The following PKIB variants were observed in gnomAD, a reference collection of about 807,000 sequenced individuals.
PKIB encodes the protein PKI-beta.
PKIB carries 2 observed loss-of-function variants against 4.5 expected under a neutral mutation model. The observed-to-expected ratio is 0.44, with a 90% confidence interval of 0.18 to 1.39. PKIB has a LOEUF of 1.39. Ranked by LOEUF, PKIB falls within the 40% of genes most tolerant of loss-of-function variation. PKIB has a pLI of 0.27. For synonymous variants in PKIB, 38 were observed against 36.0 expected, an observed-to-expected ratio of 1.06 and a Z score of -0.20; for missense variants, 94 against 92.6, an observed-to-expected ratio of 1.02 and a Z score of -0.06.
intron 2 of PKIB, among the ~76,000 whole-genome samples, chr6:122,641,115 T>C (rs758624818): frequency 6.6e-6 from 1 of 152,240 alleles, no homozygotes; most frequent in African/African-American, 2.4e-5. Flanking sequence ...TATGCATTGT[T>C]CCAGTCTATT....
intron 1 of PKIB, among the ~76,000 whole-genome samples, chr6:122,473,264 T>C (rs1236766675): frequency 6.6e-6 from 1 of 152,228 alleles, no homozygotes; most frequent in African/African-American, 2.4e-5. Flanking sequence ...AACACTTATA[T>C]GTGAGTAACT....
chr6:122,543,983 A>AT (rs1392839827), intron 2 of PKIB, among the ~76,000 whole-genome samples: 1 of 151,860 alleles, frequency 6.6e-6, no homozygotes, highest in Non-Finnish European at 1.5e-5. Flanking sequence ...ACAACATCTC[A>AT]TTTTCTTTTT....
At chr6:122,518,627 G>C (rs1740053164) in intron 2 of PKIB, among the ~76,000 whole-genome samples, 5 of 151,986 alleles carry the variant, frequency 3.3e-5, no homozygotes, top group Admixed American at 3.3e-4. Context: ...AGAAGGTGCT[G>C]AGAGGGCCTC....
intron 2 of PKIB, among the ~76,000 whole-genome samples, chr6:122,555,559 A>T (rs150335944): frequency 0.011 from 1,737 of 152,322 alleles, 36 homozygotes; most frequent in African/African-American, 0.04. Context: ...TCAAGGAAAA[A>T]AATAGAAGAT....
chr6:122,554,351 T>C (rs112277915), intron 2 of PKIB, among the ~76,000 whole-genome samples: 4 of 152,346 alleles, frequency 2.6e-5, no homozygotes, highest in African/African-American at 9.6e-5. Flanking sequence ...TATGTGTTAA[T>C]TAGCTTTCTA....
chr6:122,559,871 T>C (rs953844831), intron 2 of PKIB, among the ~76,000 whole-genome samples: 3 of 152,206 alleles, frequency 2.0e-5, no homozygotes, highest in Non-Finnish European at 2.9e-5. Context: ...GAAGAGCTAC[T>C]AATTTGTGTA....
chr6:122,520,661 T>TCTC (rs1776908092), intron 2 of PKIB, among the ~76,000 whole-genome samples: 6 of 55,522 alleles, frequency 1.1e-4, no homozygotes, highest in Admixed American at 2.2e-4. Flanking sequence ...AAGTTTATGT[T>TCTC]CCCACCCCCC....
chr6:122,652,329 TGTGTGGAGAG>T (rs1433769002), intron 2 of PKIB, among the ~76,000 whole-genome samples: 164 of 50,296 alleles, frequency 3.3e-3, no homozygotes, highest in South Asian at 8.5e-3. Context: ...TGTGTGTGTG[TGTGTGGAGAG>T]AGAGAGATTT....
intron 2 of PKIB, among the ~76,000 whole-genome samples, chr6:122,491,674 GT>G (rs1341657269): frequency 6.6e-6 from 1 of 152,200 alleles, no homozygotes; most frequent in African/African-American, 2.4e-5. Context: ...TTGAAAATAG[GT>G]TGTGGAAGCA....
intron 2 of PKIB, among the ~76,000 whole-genome samples, chr6:122,486,580 A>G (rs966014137): frequency 1.5e-4 from 23 of 151,604 alleles, no homozygotes; most frequent in African/African-American, 4.8e-4. Context: ...TTTTGTGTGT[A>G]TGATTTTTTT....
intron 4 of PKIB, among the ~76,000 whole-genome samples, chr6:122,720,454 T>C (rs573506569): frequency 3.3e-5 from 5 of 152,162 alleles, no homozygotes; most frequent in African/African-American, 1.2e-4. Context: ...GCTGATGAAT[T>C]GGATGTGGCA....
intron 2 of PKIB, among the ~76,000 whole-genome samples, chr6:122,553,434 A>G (rs1772740394): frequency 7.1e-6 from 1 of 140,236 alleles, no homozygotes; most frequent in Non-Finnish European, 1.5e-5. Flanking sequence ...AAATACCTGA[A>G]CTCATCACCT....
At chr6:122,572,961 C>T (rs758393180) in intron 2 of PKIB, among the ~76,000 whole-genome samples, 1 of 151,984 alleles carries the variant, frequency 6.6e-6, no homozygotes, top group African/African-American at 2.4e-5. Context: ...TAACAAGCAG[C>T]AAGATTAAAT....
In PKIB at chr6:122,623,879, G is replaced by A. The variant is rs372831663; in HGVS notation, c.-160-9404G>A. ...TCTATCATATATTTCATTGGCAGGA[G>A]CAATCTGTTTATCTTTCTTGTGTAA... On this transcript the variant is annotated intron_variant, in intron 1 of 4. Coordinates refer to ENST00000368452, the MANE Select transcript of PKIB (RefSeq NM_181795.3). 2.6e-5 allele frequency among the ~76,000 whole-genome samples: 4 copies of A among 151,744 alleles called. No individual in the cohort carries two copies. The East Asian group carries it at 5.8e-4, about 22-fold the overall frequency.
intron 3 of PKIB, among the ~76,000 whole-genome samples, chr6:122,688,943 T>G (rs1223989428): frequency 2.0e-5 from 3 of 151,308 alleles, no homozygotes; most frequent in Admixed American, 6.6e-5. Context: ...ACCACGCCCG[T>G]CTAATTTTTT....
At chr6:122,707,253 C>T (rs1779100744) in intron 3 of PKIB, among the ~76,000 whole-genome samples, 1 of 151,750 alleles carries the variant, frequency 6.6e-6, no homozygotes, top group Non-Finnish European at 1.5e-5. Context: ...AATTTTTGTT[C>T]CCATAATTTT....
In PKIB at chr6:122,488,329, G is replaced by A. The variant is rs115696232; in HGVS notation, c.-248+10390G>A. Among the ~76,000 whole-genome samples, 398 of 151,910 alleles carry A rather than the reference G, an allele frequency of 2.6e-3. 4 individuals carry two copies. Among genetic ancestry groups the A allele is most frequent in the African/African-American group, 9.1e-3 (376 of 41,388 alleles). ...GTCTATTGTTATAATTATTTATCTT[G>A]TTGCTCTATTTGCTACGTATTTGGC... On this transcript the variant is annotated intron_variant, in intron 2 of 6. Coordinates refer to the PKIB transcript ENST00000392491.
intron 2 of PKIB, among the ~76,000 whole-genome samples, chr6:122,637,749 C>T (rs1056877289): frequency 2.2e-4 from 28 of 126,494 alleles, no homozygotes; most frequent in African/African-American, 5.3e-4. Flanking sequence ...AGCAAGACTC[C>T]GTCTCAAAAA....
At chr6:122,482,107 C>G (rs1373645076) in intron 2 of PKIB, 1 of 152,522 alleles carries the variant, frequency 6.6e-6, no homozygotes, top group Admixed American at 6.5e-5. Context: ...ACTACAGGCG[C>G]CCGCCACCTC....
Sources: allele counts gnomAD v4.1 joint callset (sites outside exome capture counted in the v4.1 genomes callset), GRCh38; gene constraint gnomAD v4.1.1; transcripts MANE v1.5; gene names NCBI Gene and HGNC (gene_info 2026-07-23, HGNC 2026-07-21).